SNTG1: variants seen among roughly 807,000 people sequenced by gnomAD.
The protein encoded by SNTG1 is syntrophin gamma 1, also known as gamma-1-syntrophin.
SNTG1 carries 39 observed loss-of-function variants against 74.7 expected under a neutral mutation model. That is an observed-to-expected ratio of 0.52 (90% confidence interval 0.40 to 0.68). The LOEUF (loss-of-function observed/expected upper bound fraction) is 0.68, where lower values mean the gene tolerates loss of function less well. Ranked by LOEUF, SNTG1 falls within the 30% of genes least tolerant of loss-of-function variation. SNTG1 has a pLI of 0.00. For synonymous variants in SNTG1, 254 were observed against 217.1 expected (o/e 1.17, Z -1.49); for missense variants, 685 against 609.5 (o/e 1.12, Z -1.30).
At chr8:50,113,506 A>G (rs951104412) in intron 1 of SNTG1, among the ~76,000 whole-genome samples, 3 of 152,142 alleles carry the variant, frequency 2.0e-5, no homozygotes, top group Non-Finnish European at 2.9e-5. Context: ...GGTTTTCTAG[A>G]TATACAATCA....
At chr8:50,186,269 G>A (rs1426422137) in intron 2 of SNTG1, among the ~76,000 whole-genome samples, 3 of 152,014 alleles carry the variant, frequency 2.0e-5, no homozygotes, top group African/African-American at 4.8e-5. Context: ...ATTTAGGTAG[G>A]CTCCATGTCT....
intron 3 of SNTG1, among the ~76,000 whole-genome samples, chr8:50,399,921 TG>T (rs2092779934): frequency 6.6e-6 from 1 of 152,214 alleles, no homozygotes; most frequent in Non-Finnish European, 1.5e-5. Context: ...GAAGAAAACT[TG>T]CTTTCCTTCC....
chr8:50,183,591 A>G (rs552908098), intron 2 of SNTG1, among the ~76,000 whole-genome samples: 27 of 152,292 alleles, frequency 1.8e-4, no homozygotes, highest in African/African-American at 6.3e-4. Flanking sequence ...CACCATTTAC[A>G]TACCTTCCCA....
chr8:50,545,786 G>T (rs927411435), intron 11 of SNTG1, among the ~76,000 whole-genome samples: 1 of 152,094 alleles, frequency 6.6e-6, no homozygotes, highest in African/African-American at 2.4e-5. Context: ...AGATGAAGAC[G>T]TTTCAGATGG....
intron 2 of SNTG1, among the ~76,000 whole-genome samples, chr8:50,222,293 G>A (rs1337476057): frequency 6.6e-6 from 1 of 152,164 alleles, no homozygotes; most frequent in Non-Finnish European, 1.5e-5. Context: ...AGTATAGCCT[G>A]AGGGAGGGGC....
chr8:50,676,850 C>T (rs866668494), intron 15 of SNTG1, among the ~76,000 whole-genome samples: 2 of 151,750 alleles, frequency 1.3e-5, no homozygotes, highest in Admixed American at 6.6e-5. Flanking sequence ...TAAAACAATG[C>T]AAGATTATTA....
chr8:50,410,041 C>A (rs115881509), intron 4 of SNTG1, among the ~76,000 whole-genome samples: 2 of 152,286 alleles, frequency 1.3e-5, no homozygotes, highest in African/African-American at 4.8e-5. Context: ...AGCAATCCCA[C>A]GAGTGAAACC....
chr8:50,429,044 A>G (rs1012718664), intron 4 of SNTG1, among the ~76,000 whole-genome samples: 7 of 151,614 alleles, frequency 4.6e-5, no homozygotes, highest in Admixed American at 4.6e-4. Flanking sequence ...AAAACTCAAT[A>G]TTATTGTTTA....
intron 18 of SNTG1, among the ~76,000 whole-genome samples, chr8:50,770,073 A>G (rs1458969324): frequency 6.6e-6 from 1 of 152,142 alleles, no homozygotes. Context: ...TAAAGGATCA[A>G]AACAATAGGT....
chr8:50,161,391 A>G (rs2082411114), intron 1 of SNTG1, among the ~76,000 whole-genome samples: 1 of 152,240 alleles, frequency 6.6e-6, no homozygotes, highest in African/African-American at 2.4e-5. Context: ...CATTGATTGT[A>G]TAGGGCCAAA....
At chr8:50,139,505 T>C (rs1285792389) in intron 1 of SNTG1, among the ~76,000 whole-genome samples, 2 of 152,214 alleles carry the variant, frequency 1.3e-5, no homozygotes, top group Non-Finnish European at 2.9e-5. Flanking sequence ...ACAGAATGCC[T>C]GTGTCATGTC....
intron 1 of SNTG1, among the ~76,000 whole-genome samples, chr8:50,099,438 A>G (rs998083336): frequency 2.6e-5 from 4 of 152,240 alleles, no homozygotes; most frequent in South Asian, 2.1e-4. Context: ...GCAATTTTCA[A>G]TAGTGCTGCA....
chr8:50,675,616 G>A (rs1245519338), intron 15 of SNTG1, among the ~76,000 whole-genome samples: 1 of 151,878 alleles, frequency 6.6e-6, no homozygotes. Context: ...TATCCAATTT[G>A]CCAATCTGTG....
intron 15 of SNTG1, among the ~76,000 whole-genome samples, chr8:50,683,847 G>A (rs1316772528): frequency 2.6e-5 from 4 of 152,182 alleles, no homozygotes; most frequent in African/African-American, 9.6e-5. Flanking sequence ...TAAAGAGAAA[G>A]CTGAAAGGTG....
chr8:50,144,111 G>A (rs2081772270), intron 1 of SNTG1, among the ~76,000 whole-genome samples: 2 of 152,092 alleles, frequency 1.3e-5, no homozygotes, highest in Admixed American at 1.3e-4. Flanking sequence ...AGAATCTTTA[G>A]CCTAGAAAAT....
At chr8:50,355,059 C>G (rs1297676377) in intron 2 of SNTG1, among the ~76,000 whole-genome samples, 1 of 152,114 alleles carries the variant, frequency 6.6e-6, no homozygotes, top group Non-Finnish European at 1.5e-5. Flanking sequence ...GTCAAGGAAG[C>G]CTGAGTTCGG....
chr8:50,110,319 C>A (rs1586317097), intron 1 of SNTG1, among the ~76,000 whole-genome samples: 1 of 152,052 alleles, frequency 6.6e-6, no homozygotes, highest in South Asian at 2.1e-4. Flanking sequence ...ATTTTCCAGC[C>A]CTCCCTTTTC....
At chr8:49,920,408 A>G (rs139700528) in intron 1 of SNTG1, among the ~76,000 whole-genome samples, 1 of 152,200 alleles carries the variant, frequency 6.6e-6, no homozygotes, top group East Asian at 1.9e-4. Context: ...ATGCTTCTCT[A>G]TAGATTAAGT....
intron 13 of SNTG1, among the ~76,000 whole-genome samples, chr8:50,624,788 A>C (rs1321402751): frequency 2.0e-5 from 3 of 152,090 alleles, no homozygotes; most frequent in Admixed American, 6.6e-5. Flanking sequence ...ATTTCTGAAA[A>C]ATCTATACTT....
Sources: allele counts gnomAD v4.1 joint callset (sites outside exome capture counted in the v4.1 genomes callset), GRCh38; gene constraint gnomAD v4.1.1; transcripts MANE v1.5; gene names NCBI Gene and HGNC (gene_info 2026-07-23, HGNC 2026-07-21).